TMEM131: variants seen among roughly 807,000 people sequenced by gnomAD.
TMEM131 encodes the protein transmembrane protein 131, also known as 2610524E03Rik.
TMEM131 carries 66 observed loss-of-function variants against 211.6 expected under a neutral mutation model. The ratio of observed to expected loss-of-function variants is 0.31; its 90% CI spans 0.26 to 0.38. The LOEUF (loss-of-function observed/expected upper bound fraction) is 0.38. Among genes scored for constraint, TMEM131 ranks in the 10% least tolerant of loss-of-function variants. TMEM131 has a pLI of 1.00. For missense variants in TMEM131, 2,036 were observed against 2,299.3 expected (o/e 0.89, Z 2.34); for synonymous variants, 844 against 841.3 (o/e 1.00, Z -0.06).
chr2:97,762,080 A>G lies in TMEM131; in HGVS notation c.4844T>C (p.Val1615Ala), dbSNP rs1189152285. 2 of 1,604,616 alleles carry G rather than the reference A, an allele frequency of 1.2e-6. No homozygotes were observed. Among genetic ancestry groups the G allele is most frequent in the South Asian group, 2.2e-5 (2 of 89,784 alleles). Residue 1615 changes from valine (V) to alanine (A), a missense_variant, in exon 36 of 41, where the codon GTG becomes GCG. By Grantham distance (64) the Val-to-Ala change is moderately conservative (BLOSUM62 0). Around this residue, in one of 3 missense-constraint regions of TMEM131, gnomAD observed 1,623 missense variants for 1,805.9 expected, o/e 0.90. Transcript: ENST00000186436. ...GATGCTGCTGTAGCTGCCCCGGGCC[A>G]CAAAGGGGCAGGGGGCAGCTGGGGG... ...PSPPAAPCPF[V>A]ARGSYSSIVN...
chr2:97,854,572 T>C lies in TMEM131; in HGVS notation c.483+4732A>G, dbSNP rs376494882. Among the ~76,000 whole-genome samples, 7 of 152,226 alleles carry C rather than the reference T, an allele frequency of 4.6e-5. No homozygotes were observed. In the East Asian group the frequency reaches 9.6e-4, roughly 21 times the overall value. ...TCCTATTTTTGATGAACAATGATCC[T>C]ATTAAAACCTAAAGCTACAATTTCA... On this transcript the variant is annotated intron_variant, in intron 5 of 40. Coordinates refer to ENST00000186436, the MANE Select transcript of TMEM131 (RefSeq NM_015348.2).
At chr2:97,958,017 C>T (rs539329687) in intron 1 of TMEM131, among the ~76,000 whole-genome samples, 72 of 152,200 alleles carry the variant, frequency 4.7e-4, no homozygotes, top group African/African-American at 1.7e-3. Context: ...GGAGTGGTTA[C>T]GTCTGAAGGA....
intron 35 of TMEM131, chr2:97,765,295 C>T (rs575738594): frequency 6.6e-6 from 1 of 152,280 alleles, no homozygotes; most frequent in Non-Finnish European, 1.5e-5. Context: ...ACGCCCTACC[C>T]GAGCCTCCAA....
intron 11 of TMEM131, among the ~76,000 whole-genome samples, chr2:97,826,800 C>G (rs1204864510): frequency 2.0e-5 from 3 of 152,194 alleles, no homozygotes. Context: ...AAGGTCTTCT[C>G]TGTAACCCTA....
chr2:97,882,032 A>C (rs889796613), intron 4 of TMEM131, among the ~76,000 whole-genome samples: 1 of 152,204 alleles, frequency 6.6e-6, no homozygotes, highest in Non-Finnish European at 1.5e-5. Flanking sequence ...AAAATGTACA[A>C]ATTTCATTTT....
intron 1 of TMEM131, among the ~76,000 whole-genome samples, chr2:97,938,919 T>C (rs1156336514): frequency 1.3e-5 from 2 of 152,170 alleles, no homozygotes; most frequent in East Asian, 1.9e-4. Context: ...AACCTGCTCC[T>C]GAATGACTAC....
intron 31 of TMEM131, among the ~76,000 whole-genome samples, chr2:97,788,963 C>CATTTAA (rs1680373832): frequency 6.6e-6 from 1 of 152,156 alleles, no homozygotes; most frequent in Non-Finnish European, 1.5e-5. Flanking sequence ...TACATGCATA[C>CATTTAA]TTTTTTCTTG....
At chr2:97,800,255 C>G (rs890653067) in intron 25 of TMEM131, among the ~76,000 whole-genome samples, 1 of 152,104 alleles carries the variant, frequency 6.6e-6, no homozygotes, top group Non-Finnish European at 1.5e-5. Flanking sequence ...ATAGAATTTA[C>G]TCTAAGCTCA....
At chr2:97,946,400 G>A (rs987851536) in intron 1 of TMEM131, among the ~76,000 whole-genome samples, 2 of 151,864 alleles carry the variant, frequency 1.3e-5, no homozygotes, top group Non-Finnish European at 2.9e-5. Flanking sequence ...CAGGTATTGT[G>A]AACATAAGAA....
intron 22 of TMEM131, among the ~76,000 whole-genome samples, chr2:97,804,621 C>CAAA (rs71386034): frequency 2.5e-4 from 18 of 71,826 alleles, no homozygotes; most frequent in African/African-American, 5.7e-4. Flanking sequence ...GACTCCGTCT[C>CAAA]AAAAAAAAAA....
rs974288177 is a variant in TMEM131, at chr2:97,870,143, C to T, written c.360-10716G>A. On this transcript the variant is annotated intron_variant, in intron 4 of 40. Transcript: ENST00000186436. ...TTAAAGGTTCGTGGATTAGGTCAGG[C>T]TCACCCAAAAAAAATCTATCTCAAA... Among the ~76,000 whole-genome samples the T allele has an allele frequency of 5.9e-5, 9 of 152,094 alleles. 1 individual carries two copies. Among genetic ancestry groups the T allele is most frequent in the Admixed American group, 4.6e-4 (7 of 15,264 alleles).
chr2:97,942,967 AGAAAG>A (rs1198908769), intron 1 of TMEM131, among the ~76,000 whole-genome samples: 1 of 144,504 alleles, frequency 6.9e-6, no homozygotes, highest in African/African-American at 2.6e-5. Flanking sequence ...ACAAAAAAAA[AGAAAG>A]AAAGAAAGAA....
chr2:97,827,792 T>C (rs917758361), intron 11 of TMEM131, among the ~76,000 whole-genome samples: 14 of 152,164 alleles, frequency 9.2e-5, no homozygotes, highest in African/African-American at 2.7e-4. Flanking sequence ...TATTGAATTA[T>C]GGGAGGCTCT....
intron 1 of TMEM131, among the ~76,000 whole-genome samples, chr2:97,979,778 C>T (rs575656177): frequency 7.2e-5 from 11 of 152,188 alleles, no homozygotes; most frequent in Non-Finnish European, 1.5e-4. Context: ...TTCATTTGTT[C>T]ACCAGAGTAG....
At chr2:97,860,247 G>T (rs1415513879) in intron 4 of TMEM131, among the ~76,000 whole-genome samples, 1 of 152,090 alleles carries the variant, frequency 6.6e-6, no homozygotes, top group East Asian at 1.9e-4. Flanking sequence ...ACCTAAACAA[G>T]TAACCCTGTT....
At chr2:97,920,653 A>G (rs1398398701) in intron 2 of TMEM131, among the ~76,000 whole-genome samples, 1 of 152,230 alleles carries the variant, frequency 6.6e-6, no homozygotes, top group East Asian at 1.9e-4. Context: ...GTTGAGTCGT[A>G]TGAAATTGCC....
intron 11 of TMEM131, among the ~76,000 whole-genome samples, chr2:97,825,668 T>C (rs973458283): frequency 1.3e-5 from 2 of 152,188 alleles, no homozygotes; most frequent in African/African-American, 2.4e-5. Flanking sequence ...CTTCTCTTTA[T>C]ACGTCAGAGA....
At chr2:97,787,515 C>T (rs756554383) in intron 31 of TMEM131, among the ~76,000 whole-genome samples, 27 of 152,228 alleles carry the variant, frequency 1.8e-4, no homozygotes, top group African/African-American at 5.8e-4. Flanking sequence ...ATCACACTTA[C>T]GGACTTCTTC....
chr2:97,926,918 C>T (rs1677014788), intron 2 of TMEM131, among the ~76,000 whole-genome samples: 1 of 152,182 alleles, frequency 6.6e-6, no homozygotes, highest in Non-Finnish European at 1.5e-5. Flanking sequence ...TGTCTGCCAT[C>T]CAGATCCTAT....
Sources: allele counts gnomAD v4.1 joint callset (sites outside exome capture counted in the v4.1 genomes callset), GRCh38; gene constraint gnomAD v4.1.1; regional missense constraint gnomAD v4.1.1; transcripts MANE v1.5; gene names NCBI Gene and HGNC (gene_info 2026-07-23, HGNC 2026-07-21).